The following SGCZ variants were observed in gnomAD, a reference collection of about 807,000 sequenced individuals.
SGCZ encodes sarcoglycan zeta.
In SGCZ, 40 loss-of-function variants were observed where a neutral mutation model predicts 41.3. The ratio of observed to expected loss-of-function variants is 0.97; its 90% CI spans 0.75 to 1.26. The LOEUF (loss-of-function observed/expected upper bound fraction) is 1.26, where lower values mean the gene tolerates loss of function less well. SGCZ is among the 50% of genes most tolerant of loss of function. The probability of loss-of-function intolerance (pLI) is 0.00; values close to 1 mark genes in which losing one functional copy is unlikely to be tolerated. For missense variants in SGCZ, 552 were observed against 369.8 expected (o/e 1.49, Z -4.04); for synonymous variants, 206 against 137.5 (o/e 1.50, Z -3.49).
chr8:14,417,843 T>C (rs897731922), intron 2 of SGCZ, among the ~76,000 whole-genome samples: 1 of 151,920 alleles, frequency 6.6e-6, no homozygotes, highest in Non-Finnish European at 1.5e-5. Context: ...CTTAAATATA[T>C]ATAATTTTTA....
At chr8:15,110,103 G>A (rs755426265) in intron 1 of SGCZ, among the ~76,000 whole-genome samples, 20 of 152,126 alleles carry the variant, frequency 1.3e-4, no homozygotes, top group Non-Finnish European at 2.1e-4. Flanking sequence ...GAAATCTAGA[G>A]TGAATTCATA....
intron 1 of SGCZ, among the ~76,000 whole-genome samples, chr8:14,969,641 T>A (rs1223969064): frequency 2.6e-5 from 4 of 152,016 alleles, no homozygotes; most frequent in Admixed American, 6.6e-5. Context: ...TCATACAGTA[T>A]ATACATTTCC....
At chr8:14,743,552 G>A (rs1021911688) in intron 1 of SGCZ, among the ~76,000 whole-genome samples, 35 of 151,656 alleles carry the variant, frequency 2.3e-4, no homozygotes, top group Non-Finnish European at 4.1e-4. Context: ...GTAGAATGGG[G>A]GAAGAATAAA....
chr8:14,685,014 G>T (rs185980194), intron 1 of SGCZ, among the ~76,000 whole-genome samples: 13 of 152,118 alleles, frequency 8.5e-5, no homozygotes, highest in African/African-American at 2.9e-4. Flanking sequence ...TTATTAATTA[G>T]AATTGTCAAA....
chr8:14,310,960 G>C (rs1284698025), intron 3 of SGCZ, among the ~76,000 whole-genome samples: 1 of 152,064 alleles, frequency 6.6e-6, no homozygotes, highest in Non-Finnish European at 1.5e-5. Flanking sequence ...GAAAATCTTG[G>C]AACACACTTA....
chr8:14,198,523 T>C (rs567717038), intron 4 of SGCZ, among the ~76,000 whole-genome samples: 5 of 152,138 alleles, frequency 3.3e-5, no homozygotes, highest in Admixed American at 2.0e-4. Flanking sequence ...CATTCAGTTG[T>C]AGTACAAACC....
rs61237091 is a variant in SGCZ at position 15,186,262 on chromosome 8, CAAAAAAAAAAAAAAAAAAAAAAA to C, written c.39+51300_39+51322del. Reference sequence around the variant, plus strand: ...GGGCAACAGAGGGAAGATTCCGTACCAAAAAAAAAAAAAAAAAAAAAAAAAAAAAAAAAAAAAAGTTAATTTCT... The same window carrying C: ...GGGCAACAGAGGGAAGATTCCGTACCAAAAAAAAAAAAAAAGTTAATTTCT... On this transcript the variant is annotated intron_variant, in intron 1 of 7. Transcript: ENST00000382080. Among the ~76,000 whole-genome samples the C allele has an allele frequency of 8.3e-3, 667 of 80,726 alleles. 33 individuals carry two copies. The highest frequency in any genetic ancestry group is 0.058 in the Admixed American group (419 of 7,224). The allele number at this position is 80,726 out of a possible 152,430, so 53.0% of individuals were successfully genotyped here.
rs532686798 is a variant in SGCZ, at chr8:15,015,085, A to T, written c.39+222500T>A. On this transcript the variant is annotated intron_variant, in intron 1 of 7. Transcript: ENST00000382080. The stretch of plus-strand genomic sequence containing the variant: ...GGCGAAACTCCATCTCTACTAAAAA[A>T]TGCAAAAATTACCTGGGCACAGTGG... Among the ~76,000 whole-genome samples, 38 of 152,206 alleles carry T rather than the reference A, an allele frequency of 2.5e-4. 2 individuals are homozygous for T. In the South Asian group the frequency reaches 7.9e-3, roughly 32 times the overall value.
chr8:14,301,385 AC>A (rs1196565198), intron 3 of SGCZ, among the ~76,000 whole-genome samples: 4 of 152,064 alleles, frequency 2.6e-5, no homozygotes, highest in Non-Finnish European at 5.9e-5. Flanking sequence ...AAAAAAACAA[AC>A]AATTGTTGAA....
At chr8:15,228,416 C>T (rs528490788) in intron 1 of SGCZ, among the ~76,000 whole-genome samples, 4 of 152,106 alleles carry the variant, frequency 2.6e-5, no homozygotes, top group Admixed American at 6.5e-5. Flanking sequence ...ACTGAGGCAT[C>T]GACTTTAAGA....
intron 1 of SGCZ, among the ~76,000 whole-genome samples, chr8:15,152,369 A>G (rs268377): frequency 0.7 from 106,572 of 152,122 alleles, 38,728 homozygotes; most frequent in South Asian, 0.81. Flanking sequence ...AGGCAGTGGT[A>G]CAGGATGCTC....
chr8:14,629,687 T>G (rs1405800023), intron 1 of SGCZ, among the ~76,000 whole-genome samples: 1 of 151,568 alleles, frequency 6.6e-6, no homozygotes. Flanking sequence ...GTCTATGGAA[T>G]GCTTTCAATG....
chr8:14,732,018 C>G (rs1798869086), intron 1 of SGCZ, among the ~76,000 whole-genome samples: 1 of 152,196 alleles, frequency 6.6e-6, no homozygotes, highest in South Asian at 2.1e-4. Context: ...AAAGGAATCT[C>G]AATCCTAACC....
At chr8:15,149,188 T>G (rs1005044485) in intron 1 of SGCZ, among the ~76,000 whole-genome samples, 1 of 152,142 alleles carries the variant, frequency 6.6e-6, no homozygotes. Flanking sequence ...TTTTTTTTAT[T>G]ATTGACTAAA....
chr8:15,200,273 G>A (rs1351933968), intron 1 of SGCZ, among the ~76,000 whole-genome samples: 2 of 152,116 alleles, frequency 1.3e-5, no homozygotes, highest in Non-Finnish European at 2.9e-5. Flanking sequence ...TAAATAAATT[G>A]GCTCTTGATA....
At chr8:15,234,043 G>T (rs1319378741) in intron 1 of SGCZ, among the ~76,000 whole-genome samples, 1 of 152,108 alleles carries the variant, frequency 6.6e-6, no homozygotes, top group Non-Finnish European at 1.5e-5. Flanking sequence ...ATGAGTAAAA[G>T]AATCAACAAA....
At chr8:14,428,199 C>G (rs1351727398) in intron 2 of SGCZ, among the ~76,000 whole-genome samples, 2 of 151,434 alleles carry the variant, frequency 1.3e-5, no homozygotes, top group African/African-American at 4.9e-5. Flanking sequence ...TGCACATAAG[C>G]ACATAATTAC....
At chr8:14,386,177 A>C (rs1804569140) in intron 2 of SGCZ, among the ~76,000 whole-genome samples, 1 of 152,166 alleles carries the variant, frequency 6.6e-6, no homozygotes, top group Admixed American at 6.5e-5. Flanking sequence ...AGGAAAGTGA[A>C]GGGAGAACAT....
chr8:15,155,179 C>T (rs540461879), intron 1 of SGCZ, among the ~76,000 whole-genome samples: 11 of 152,204 alleles, frequency 7.2e-5, no homozygotes, highest in Admixed American at 3.9e-4. Flanking sequence ...CCTATAGTCC[C>T]AGCTACTTGG....
Sources: allele counts gnomAD v4.1 joint callset (sites outside exome capture counted in the v4.1 genomes callset), GRCh38; gene constraint gnomAD v4.1.1; transcripts MANE v1.5; gene names NCBI Gene and HGNC (gene_info 2026-07-23, HGNC 2026-07-21).